Variants in ADARB2 observed in about 807,000 individuals in gnomAD.
ADARB2 encodes inactive double-stranded RNA-specific editase B2.
A neutral mutation model predicts 62.2 loss-of-function variants in ADARB2; 25 were observed. The observed-to-expected ratio is 0.40, with a 90% CI of 0.29 to 0.56. The LOEUF is 0.56. ADARB2 is among the 20% of genes least tolerant of loss of function. The pLI is 0.43. For missense variants in ADARB2, 1,071 were observed against 1,077.4 expected, an observed-to-expected ratio of 0.99 and a Z score of 0.08; for synonymous variants, 572 against 500.8, an observed-to-expected ratio of 1.14 and a Z score of -1.90.
chr10:1,216,244 G>T (rs1786547276), intron 7 of ADARB2: 1 of 148,342 alleles, frequency 6.7e-6, no homozygotes. Flanking sequence ...ATCAGACCGA[G>T]GTTGGGGGAG....
At chr10:1,403,435 G>A (rs990526564) in intron 1 of ADARB2, among the ~76,000 whole-genome samples, 12 of 152,180 alleles carry the variant, frequency 7.9e-5, no homozygotes, top group African/African-American at 2.9e-4. Flanking sequence ...GGTGTGGACT[G>A]TGCTCCTTGA....
Position 1,655,552 on chromosome 10 carries a change from T to C in ADARB2, c.100+81499A>G, listed in dbSNP as rs184585461. On this transcript the variant is annotated intron_variant, in intron 1 of 9. Coordinates refer to ENST00000381312, the MANE Select transcript of ADARB2 (RefSeq NM_018702.4). ...TAAAACTGTCCTGTGTGTTTAACTATCAAAATAAAGGAGTGCTGGCACCTT... is the reference window on the plus strand; with the variant it reads ...TAAAACTGTCCTGTGTGTTTAACTACCAAAATAAAGGAGTGCTGGCACCTT... Among the ~76,000 whole-genome samples, 189 of 152,338 alleles carry C rather than the reference T, an allele frequency of 1.2e-3. 4 individuals are homozygous for C. The highest frequency in any genetic ancestry group is 1.4e-3 in the Admixed American group (22 of 15,310).
intron 1 of ADARB2, among the ~76,000 whole-genome samples, chr10:1,454,050 G>A (rs1400012568): frequency 6.6e-6 from 1 of 152,190 alleles, no homozygotes; most frequent in African/African-American, 2.4e-5. Context: ...AAAGGAAAGA[G>A]GTTTAATGGA....
intron 3 of ADARB2, among the ~76,000 whole-genome samples, chr10:1,326,096 T>C (rs1831842263): frequency 6.6e-6 from 1 of 152,234 alleles, no homozygotes; most frequent in Admixed American, 6.5e-5. Flanking sequence ...GAAAACTGAA[T>C]GCAAGTGAAT....
At chr10:1,413,870 T>C (rs1262650732) in intron 1 of ADARB2, among the ~76,000 whole-genome samples, 2 of 152,262 alleles carry the variant, frequency 1.3e-5, no homozygotes, top group Non-Finnish European at 2.9e-5. Context: ...AGTTTTGCGA[T>C]ACCCAGTGAA....
intron 3 of ADARB2, among the ~76,000 whole-genome samples, chr10:1,351,263 A>C (rs1485200696): frequency 6.6e-6 from 1 of 152,178 alleles, no homozygotes; most frequent in Non-Finnish European, 1.5e-5. Flanking sequence ...ACCATCACGG[A>C]TGCTGAGCTT....
chr10:1,631,205 C>T (rs79280867), intron 1 of ADARB2, among the ~76,000 whole-genome samples: 2,207 of 152,228 alleles, frequency 0.014, 31 homozygotes, highest in East Asian at 0.043. Flanking sequence ...CATCCATGAA[C>T]GTCCACCTCC....
At chr10:1,673,508 C>A (rs1834420649) in intron 1 of ADARB2, among the ~76,000 whole-genome samples, 1 of 152,104 alleles carries the variant, frequency 6.6e-6, no homozygotes, top group African/African-American at 2.4e-5. Context: ...AAAATGATTT[C>A]TTTACTTTCT....
chr10:1,534,198 A>G (rs1486831684), intron 1 of ADARB2, among the ~76,000 whole-genome samples: 2 of 150,344 alleles, frequency 1.3e-5, no homozygotes, highest in African/African-American at 4.9e-5. Flanking sequence ...GTGTAAGGGC[A>G]TGATCTTGGC....
intron 3 of ADARB2, among the ~76,000 whole-genome samples, chr10:1,283,270 T>C (rs1831385337): frequency 6.6e-6 from 1 of 152,238 alleles, no homozygotes; most frequent in Admixed American, 6.5e-5. Context: ...GACTTTCTAT[T>C]GGTTAATAGG....
chr10:1,352,351 T>C (rs973524364), intron 3 of ADARB2, among the ~76,000 whole-genome samples: 2 of 152,206 alleles, frequency 1.3e-5, no homozygotes, highest in Admixed American at 6.5e-5. Context: ...GAAACCTAGC[T>C]GACCCCGTAG....
chr10:1,566,368 C>T (rs572869569), intron 1 of ADARB2, among the ~76,000 whole-genome samples: 7 of 152,292 alleles, frequency 4.6e-5, no homozygotes, highest in South Asian at 2.1e-4. Flanking sequence ...CTTTAAAGAA[C>T]GGTACTAAGA....
intron 3 of ADARB2, among the ~76,000 whole-genome samples, chr10:1,275,182 C>T (rs1281355026): frequency 6.6e-6 from 1 of 152,242 alleles, no homozygotes; most frequent in Non-Finnish European, 1.5e-5. Context: ...CTCCTTGACT[C>T]ACTGGGGAGG....
chr10:1,276,281 G>A (rs547614698), intron 3 of ADARB2, among the ~76,000 whole-genome samples: 3 of 152,286 alleles, frequency 2.0e-5, no homozygotes, highest in African/African-American at 7.2e-5. Context: ...TTTTTCATGT[G>A]TCTTTTGGCT....
intron 3 of ADARB2, among the ~76,000 whole-genome samples, chr10:1,344,212 G>A (rs1233268194): frequency 1.3e-5 from 2 of 152,158 alleles, no homozygotes; most frequent in African/African-American, 2.4e-5. Context: ...ACCGGCATCC[G>A]ATTTACTCAT....
At chr10:1,258,469 C>T (rs565239936) in intron 4 of ADARB2, among the ~76,000 whole-genome samples, 112 of 151,822 alleles carry the variant, frequency 7.4e-4, no homozygotes, top group African/African-American at 2.2e-3. Context: ...ATCTACCAAG[C>T]AAATGGCAAA....
chr10:1,666,084 G>A (rs1834313037), intron 1 of ADARB2, among the ~76,000 whole-genome samples: 1 of 151,718 alleles, frequency 6.6e-6, no homozygotes, highest in African/African-American at 2.4e-5. Context: ...TAGGGTGGGT[G>A]GGCAGGGATT....
At chr10:1,514,979 G>A (rs1176733143) in intron 1 of ADARB2, among the ~76,000 whole-genome samples, 1 of 151,762 alleles carries the variant, frequency 6.6e-6, no homozygotes, top group East Asian at 2.0e-4. Flanking sequence ...GGGCGAAAGA[G>A]ACAGTAAAAT....
intron 1 of ADARB2, among the ~76,000 whole-genome samples, chr10:1,510,698 C>T (rs890479273): frequency 2.6e-5 from 4 of 152,108 alleles, no homozygotes; most frequent in African/African-American, 4.8e-5. Flanking sequence ...TTGTAATTAT[C>T]GTAATTACTG....
Sources: gnomAD v4.1 joint callset for allele counts (sites outside exome capture counted in the v4.1 genomes callset) on GRCh38, gnomAD v4.1.1 for gene constraint, MANE v1.5 for transcripts, NCBI Gene and HGNC (gene_info 2026-07-23, HGNC 2026-07-21) for gene names.